The following GALNT2 variants were observed in gnomAD, a reference collection of about 807,000 sequenced individuals.
GALNT2 encodes polypeptide N-acetylgalactosaminyltransferase 2.
GALNT2 carries 31 observed loss-of-function variants against 81.4 expected under a neutral mutation model. That is an observed-to-expected ratio of 0.38 (90% CI 0.29 to 0.51). The LOEUF is 0.51. Among genes scored for constraint, GALNT2 ranks in the 20% least tolerant of loss-of-function variants. GALNT2 has a pLI of 0.87. For missense variants in GALNT2, 629 were observed against 765.7 expected, an observed-to-expected ratio of 0.82 and a Z score of 2.11; for synonymous variants, 303 against 287.4, an observed-to-expected ratio of 1.05 and a Z score of -0.55.
chr1:230,267,729 G>C (rs780741506), intron 14 of GALNT2, among the ~76,000 whole-genome samples: 4 of 152,216 alleles, frequency 2.6e-5, no homozygotes, highest in Admixed American at 6.5e-5. Context: ...AAGACGAAGC[G>C]GGTGAAAGGA....
intron 1 of GALNT2, among the ~76,000 whole-genome samples, chr1:230,111,217 CCATG>C (rs1401600677): frequency 2.6e-5 from 4 of 152,210 alleles, no homozygotes; most frequent in African/African-American, 9.6e-5. Flanking sequence ...CATGTGCGTA[CCATG>C]CATGCATGTA....
chr1:230,091,002 T>C (rs1660055056), intron 1 of GALNT2, among the ~76,000 whole-genome samples: 1 of 152,186 alleles, frequency 6.6e-6, no homozygotes, highest in African/African-American at 2.4e-5. Context: ...TGATGAGAAC[T>C]GTGCCTCGCT....
At chr1:230,154,413 C>T (rs1004239659) in intron 1 of GALNT2, among the ~76,000 whole-genome samples, 15 of 152,150 alleles carry the variant, frequency 9.9e-5, no homozygotes, top group Non-Finnish European at 1.6e-4. Flanking sequence ...TGTGCCAAAC[C>T]GGCACAGGTG....
chr1:230,226,204 G>A (rs911320316), intron 3 of GALNT2, among the ~76,000 whole-genome samples: 1 of 152,208 alleles, frequency 6.6e-6, no homozygotes, highest in Non-Finnish European at 1.5e-5. Context: ...CTGCCAGGAT[G>A]GTCAGTGAAA....
chr1:230,126,608 G>T (rs148137468), intron 1 of GALNT2, among the ~76,000 whole-genome samples: 3 of 152,192 alleles, frequency 2.0e-5, no homozygotes, highest in Non-Finnish European at 2.9e-5. Context: ...CCATCCTCCC[G>T]CAGGCAGCCT....
intron 1 of GALNT2, among the ~76,000 whole-genome samples, chr1:230,165,355 C>A (rs1011426804): frequency 1.3e-5 from 2 of 152,168 alleles, no homozygotes; most frequent in Non-Finnish European, 2.9e-5. Flanking sequence ...TTTGAAGGGG[C>A]TGTTAACAGA....
rs1039255120 is a variant in GALNT2 at position 230,279,961 on chromosome 1, T to A, written c.*503T>A. ...GGTTTACGTCAATAGTCCCTCTCTCTGCTCCTCCATTCGCAAGTGTCTTCC... is the reference window on the plus strand; with the variant it reads ...GGTTTACGTCAATAGTCCCTCTCTCAGCTCCTCCATTCGCAAGTGTCTTCC... On this transcript the variant is annotated 3_prime_UTR_variant, in exon 16 of 16. Coordinates refer to ENST00000366672, the MANE Select transcript of GALNT2 (RefSeq NM_004481.5). This position sits in a 1 kb window ranked among gnomAD's most constrained non-coding sequence, Gnocchi z 4.6. 6.6e-6 allele frequency: 3 copies of A among 456,176 alleles called. No homozygotes were observed. Among genetic ancestry groups the A allele is most frequent in the African/African-American group, 2.0e-5 (1 of 50,092 alleles). 28.3% of individuals were successfully genotyped at this position (456,176 alleles called of 1,614,324 possible).
At chr1:230,127,855 C>G (rs12090384) in intron 1 of GALNT2, among the ~76,000 whole-genome samples, 5,365 of 152,256 alleles carry the variant, frequency 0.035, 299 homozygotes, top group African/African-American at 0.12. Flanking sequence ...CACGGTATTG[C>G]TGACGTGGCA....
At chr1:230,247,756 A>G (rs1175866258) in intron 8 of GALNT2, among the ~76,000 whole-genome samples, 2 of 152,130 alleles carry the variant, frequency 1.3e-5, no homozygotes, top group African/African-American at 4.8e-5. Context: ...CGTTCACCCT[A>G]AGAGCATTTT....
rs981247843 is a variant in GALNT2, at chr1:230,070,708, G to A, written c.126+3302G>A. The stretch of plus-strand genomic sequence containing the variant: ...CTTCTAGGAATCATGCGGGGAGGCG[G>A]GCAGGTTATTTCTTGGAACAGTGAA... On this transcript the variant is annotated intron_variant, in intron 1 of 15. Transcript: ENST00000366672. This position sits in a 1 kb window ranked among gnomAD's most constrained non-coding sequence, Gnocchi z 4.7. Among the ~76,000 whole-genome samples, 1 of 152,166 alleles carries A rather than the reference G, an allele frequency of 6.6e-6. No homozygotes were observed. Among genetic ancestry groups the A allele is most frequent in the South Asian group, 2.1e-4 (1 of 4,828 alleles).
At chr1:230,066,783 G>C (rs1055570423), upstream of GALNT2, among the ~76,000 whole-genome samples, 2 of 152,190 alleles carry the variant, frequency 1.3e-5, no homozygotes, top group Non-Finnish European at 2.9e-5. Context: ...GAGAGGCCCC[G>C]TGTGCGTGAG....
intron 14 of GALNT2, among the ~76,000 whole-genome samples, chr1:230,270,376 T>C (rs72650163): frequency 6.6e-6 from 1 of 152,230 alleles, no homozygotes; most frequent in Non-Finnish European, 1.5e-5. Context: ...GCCAGTGGGC[T>C]ACTATCAGTA....
chr1:230,075,689 G>GCTGCGGGGAGCCAGACAGTAGACATGAA (rs1659527930), intron 1 of GALNT2, among the ~76,000 whole-genome samples: 1 of 152,196 alleles, frequency 6.6e-6, no homozygotes, highest in Non-Finnish European at 1.5e-5. Flanking sequence ...CTAGTGGGGG[G>GCTGCGGGGAGCCAGACAGTAGACATGAA]CTGCGGGGAG....
intron 2 of GALNT2, among the ~76,000 whole-genome samples, chr1:230,196,020 C>T (rs1001501383): frequency 1.3e-5 from 2 of 152,204 alleles, no homozygotes; most frequent in Non-Finnish European, 2.9e-5. Context: ...GAGCATCCTT[C>T]GTTCCACAGC....
chr1:230,213,288 CCT>C (rs1228315048), intron 3 of GALNT2, among the ~76,000 whole-genome samples: 2 of 152,228 alleles, frequency 1.3e-5, no homozygotes, highest in Admixed American at 6.5e-5. Flanking sequence ...AACCTAACCA[CCT>C]CTAGACCATT....
intron 2 of GALNT2, among the ~76,000 whole-genome samples, chr1:230,196,093 C>T (rs1287735704): frequency 2.6e-5 from 4 of 152,212 alleles, no homozygotes; most frequent in African/African-American, 7.2e-5. Context: ...ATCCTGTGCA[C>T]TCTAGAATGT....
chr1:230,240,360 G>A (rs1265188097), intron 6 of GALNT2, among the ~76,000 whole-genome samples: 3 of 152,218 alleles, frequency 2.0e-5, no homozygotes, highest in East Asian at 1.9e-4. Flanking sequence ...TTGGGAGGCC[G>A]AGGTGGGCGG....
intron 1 of GALNT2, among the ~76,000 whole-genome samples, chr1:230,126,137 TGA>T (rs1452316699): frequency 1.3e-5 from 2 of 152,232 alleles, no homozygotes; most frequent in East Asian, 1.9e-4. Context: ...GTTCCCTAGA[TGA>T]GTGTGTGGGG....
At chr1:230,157,377 C>T (rs1014906987) in intron 1 of GALNT2, among the ~76,000 whole-genome samples, 1 of 152,202 alleles carries the variant, frequency 6.6e-6, no homozygotes, top group African/African-American at 2.4e-5. Context: ...GAACTCTTAT[C>T]CCTTGCCAGT....
Sources: allele counts gnomAD v4.1 joint callset (sites outside exome capture counted in the v4.1 genomes callset), GRCh38; gene constraint gnomAD v4.1.1; non-coding constraint Gnocchi (gnomAD v3.1); transcripts MANE v1.5; gene names NCBI Gene and HGNC (gene_info 2026-07-23, HGNC 2026-07-21).